Variants in AP3B1 observed in about 807,000 individuals in gnomAD.
AP3B1 encodes AP-3 complex subunit beta-1.
In AP3B1, 61 loss-of-function variants were observed where a neutral mutation model predicts 132.5. The observed-to-expected ratio is 0.46, with a 90% CI of 0.37 to 0.57. The LOEUF is 0.57. AP3B1 is among the 20% of genes least tolerant of loss of function. The probability of loss-of-function intolerance (pLI) is 0.00; values close to 1 mark genes in which losing one functional copy is unlikely to be tolerated. For missense variants in AP3B1, 1,120 were observed against 1,289.4 expected (o/e 0.87, Z 2.01); for synonymous variants, 388 against 438.3 (o/e 0.89, Z 1.43).
chr5:78,100,057 T>C (rs761925936), intron 21 of AP3B1, among the ~76,000 whole-genome samples: 1 of 152,148 alleles, frequency 6.6e-6, no homozygotes, highest in African/African-American at 2.4e-5. Flanking sequence ...CTCAAAATCT[T>C]AGCCAATGTG....
At chr5:78,024,094 T>C (rs1747223339) in intron 24 of AP3B1, among the ~76,000 whole-genome samples, 1 of 151,942 alleles carries the variant, frequency 6.6e-6, no homozygotes, top group Non-Finnish European at 1.5e-5. Context: ...AAAGGAGTGC[T>C]TAAGAGAGAA....
chr5:78,197,796 C>T (rs1201178658), intron 7 of AP3B1, among the ~76,000 whole-genome samples: 1 of 152,140 alleles, frequency 6.6e-6, no homozygotes, highest in Non-Finnish European at 1.5e-5. Flanking sequence ...AGGAATCAAA[C>T]ATTCCTGAAA....
chr5:78,212,594 G>T lies in AP3B1; in HGVS notation c.786+3461C>A, dbSNP rs143035504. Among the ~76,000 whole-genome samples the T allele has an allele frequency of 3.0e-3, 464 of 152,192 alleles. 4 individuals carry two copies. The highest frequency in any genetic ancestry group is 0.011 in the African/African-American group (443 of 41,536). ...CTGCCTGTAGGTAAAAGGGAATGGA[G>T]GGCTAGAGTGAAGACATTTCTACTT... On this transcript the variant is annotated intron_variant, in intron 7 of 26. Coordinates refer to ENST00000255194, the MANE Select transcript of AP3B1 (RefSeq NM_003664.5).
intron 22 of AP3B1, among the ~76,000 whole-genome samples, chr5:78,080,623 A>ATTTTTTTTTTTTTTTTTTTTTTTTTTTTT (rs66609184): frequency 9.7e-6 from 1 of 103,548 alleles, no homozygotes; most frequent in Non-Finnish European, 1.9e-5. Context: ...TATGCCTCCA[A>ATTTTTTTTTTTTTTTTTTTTTTTTTTTTT]TTTTTTTTTT....
At chr5:78,017,308 C>T (rs1037930637) in intron 25 of AP3B1, among the ~76,000 whole-genome samples, 2 of 152,044 alleles carry the variant, frequency 1.3e-5, no homozygotes, top group Admixed American at 6.6e-5. Context: ...CCTTCCCACC[C>T]CCCTTTATTT....
chr5:78,090,638 T>C (rs1750470370), intron 21 of AP3B1, among the ~76,000 whole-genome samples: 1 of 152,250 alleles, frequency 6.6e-6, no homozygotes. Context: ...TTTGTGTCTT[T>C]ACATGTTTGC....
chr5:78,120,455 G>A (rs1398181407), intron 17 of AP3B1, among the ~76,000 whole-genome samples: 3 of 152,186 alleles, frequency 2.0e-5, no homozygotes, highest in African/African-American at 4.8e-5. Flanking sequence ...CCCATCTCAC[G>A]TGGAGAGTCA....
chr5:78,146,017 C>T (rs1012176703), intron 14 of AP3B1, among the ~76,000 whole-genome samples: 1 of 152,178 alleles, frequency 6.6e-6, no homozygotes, highest in Non-Finnish European at 1.5e-5. Flanking sequence ...TAGAATGACA[C>T]TCCTGGGTTT....
chr5:78,137,569 C>A (rs1752972326), intron 15 of AP3B1, among the ~76,000 whole-genome samples: 1 of 152,150 alleles, frequency 6.6e-6, no homozygotes, highest in East Asian at 1.9e-4. Context: ...GCCATAAAAA[C>A]AGGGAAAATA....
In AP3B1 at chr5:78,002,789, T is replaced by C; in HGVS notation, c.*113A>G. 8.5e-7 allele frequency: 1 copy of C among 1,173,500 alleles called. No homozygotes were observed. Among genetic ancestry groups the C allele is most frequent in the Non-Finnish European group, 1.3e-6 (1 of 779,152 alleles). 72.7% of individuals were successfully genotyped at this position (1,173,500 alleles called of 1,614,324 possible). ...GCAGGAGACAAGAATGTCAAGAGTGTATTCTACCCCCACTGCCAGATGGAA... is the reference window on the plus strand; with the variant it reads ...GCAGGAGACAAGAATGTCAAGAGTGCATTCTACCCCCACTGCCAGATGGAA... On this transcript the variant is annotated 3_prime_UTR_variant, in exon 27 of 27. Coordinates refer to ENST00000255194, the MANE Select transcript of AP3B1 (RefSeq NM_003664.5).
At chr5:78,223,027 C>CTTTTTTTTTT (rs1554077324) in intron 6 of AP3B1, among the ~76,000 whole-genome samples, 1 of 127,818 alleles carries the variant, frequency 7.8e-6, no homozygotes, top group Admixed American at 7.9e-5. Flanking sequence ...TTGTTTGTTT[C>CTTTTTTTTTT]TTTTTTTTTT....
Position 78,081,295 on chromosome 5 carries a change from A to G in AP3B1, c.2577+8098T>C, listed in dbSNP as rs552444901. ...TGCCGAGCCTATTTTTCACAGCATT[A>G]CTTCATTTTTTTTTTTTTTTTTTTT... On this transcript the variant is annotated intron_variant, in intron 22 of 26. Coordinates refer to ENST00000255194, the MANE Select transcript of AP3B1 (RefSeq NM_003664.5). Among the ~76,000 whole-genome samples, 12 of 144,982 alleles carry G rather than the reference A, an allele frequency of 8.3e-5. No individual in the cohort carries two copies. The South Asian group carries it at 2.6e-3, about 31-fold the overall frequency.
intron 2 of AP3B1, among the ~76,000 whole-genome samples, chr5:78,255,731 G>A (rs1038949861): frequency 1.3e-5 from 2 of 151,958 alleles, no homozygotes; most frequent in Admixed American, 6.6e-5. Flanking sequence ...CTGCACTATA[G>A]ACAAAAATGA....
At chr5:78,290,667 G>A (rs1201395496) in intron 1 of AP3B1, among the ~76,000 whole-genome samples, 12 of 152,104 alleles carry the variant, frequency 7.9e-5, no homozygotes, top group Admixed American at 6.6e-4. Flanking sequence ...AGAAGGAAGG[G>A]GCCAAGCACA....
chr5:78,198,257 A>C (rs1745151045), intron 7 of AP3B1, among the ~76,000 whole-genome samples: 1 of 152,220 alleles, frequency 6.6e-6, no homozygotes, highest in Non-Finnish European at 1.5e-5. Context: ...CTCTTGCAAA[A>C]TGTTTAAAAG....
rs188535123 is a variant in AP3B1 at position 78,256,266 on chromosome 5, C to T, written c.204+11254G>A. On this transcript the variant is annotated intron_variant, in intron 2 of 26. Coordinates refer to ENST00000255194, the MANE Select transcript of AP3B1 (RefSeq NM_003664.5). ...TGAAAAGTTAAACAAAATTGACAAA[C>T]CATCAGCCAGACTAAGAAAAAAAAG... 2.7e-4 allele frequency among the ~76,000 whole-genome samples: 41 copies of T among 151,496 alleles called. No individual in the cohort carries two copies. In the Middle Eastern group the frequency reaches 0.014, roughly 51 times the overall value.
intron 24 of AP3B1, among the ~76,000 whole-genome samples, chr5:78,028,996 C>CT (rs1014040387): frequency 4.6e-5 from 7 of 151,642 alleles, no homozygotes; most frequent in South Asian, 2.1e-4. Flanking sequence ...CATAGTTTTC[C>CT]TTTTTTTTGT....
At chr5:78,249,565 A>AT (rs1183145642) in intron 2 of AP3B1, among the ~76,000 whole-genome samples, 2 of 133,548 alleles carry the variant, frequency 1.5e-5, no homozygotes, top group Admixed American at 7.5e-5. Context: ...CTTCAGAATG[A>AT]TTTTTTTCTT....
chr5:78,188,042 G>T (rs1219850272), intron 7 of AP3B1, among the ~76,000 whole-genome samples: 1 of 152,176 alleles, frequency 6.6e-6, no homozygotes, highest in African/African-American at 2.4e-5. Flanking sequence ...GTGAAAAACT[G>T]AAACTGGATC....
Sources: gnomAD v4.1 joint callset for allele counts (sites outside exome capture counted in the v4.1 genomes callset) on GRCh38, gnomAD v4.1.1 for gene constraint, MANE v1.5 for transcripts, NCBI Gene and HGNC (gene_info 2026-07-23, HGNC 2026-07-21) for gene names.